The following PES1 variants were observed in gnomAD, a reference collection of about 807,000 sequenced individuals.
PES1 encodes pescadillo homolog.
Under a neutral mutation model 77.1 loss-of-function variants are expected in PES1, and 31 were observed. The ratio of observed to expected loss-of-function variants is 0.40; its 90% CI spans 0.30 to 0.54. PES1 has a LOEUF of 0.54. PES1 is among the 20% of genes least tolerant of loss of function. The pLI, the probability that PES1 is intolerant of heterozygous loss-of-function variation, is 0.45. For synonymous variants in PES1, 282 were observed against 303.0 expected, an observed-to-expected ratio of 0.93 and a Z score of 0.72; for missense variants, 658 against 771.7, an observed-to-expected ratio of 0.85 and a Z score of 1.75.
rs2087056651 is a variant in PES1 at position 30,585,036 on chromosome 22, CTA to C, written c.369-321_369-320del. Among the ~76,000 whole-genome samples, 2 of 152,170 alleles carry C rather than the reference CTA, an allele frequency of 1.3e-5. 1 individual carries two copies. Among genetic ancestry groups the C allele is most frequent in the South Asian group, 4.1e-4 (2 of 4,834 alleles). On this transcript the variant is annotated intron_variant, in intron 4 of 14. Coordinates refer to ENST00000354694, the MANE Select transcript of PES1 (RefSeq NM_014303.4). ...ACGACGGTAGACGGAGTCAGGGGCT[CTA>C]TGACTCTCTTTGAAGGTGGAAACTT...
chr22:30,605,474 T>C, exon 2 of PES1: 1 of 985,450 alleles, frequency 1.0e-6, no homozygotes, highest in Non-Finnish European at 1.2e-6. Context: ...AGGCTGACGA[T>C]AACGAAGGCT....
Position 30,579,313 on chromosome 22 carries a change from G to A in PES1, c.1355-10C>T. The A allele has an allele frequency of 6.3e-7, 1 of 1,599,968 alleles. No individual in the cohort carries two copies. The highest frequency in any genetic ancestry group is 8.5e-7 in the Non-Finnish European group (1 of 1,179,944). Reference sequence around the variant, plus strand: ...GACTCATTCAGGTTTCCTAGAGAAAGCCAATGTCCTCTGAATGCCCTGGGA... The same window carrying A: ...GACTCATTCAGGTTTCCTAGAGAAAACCAATGTCCTCTGAATGCCCTGGGA... On this transcript the variant is annotated splice_polypyrimidine_tract_variant and intron_variant, in intron 12 of 14. Coordinates refer to ENST00000354694, the MANE Select transcript of PES1 (RefSeq NM_014303.4).
At chr22:30,581,276 T>G in intron 8 of PES1, 58 bp downstream of exon 8, 1 of 1,553,940 alleles carries the variant, frequency 6.4e-7, no homozygotes, top group South Asian at 1.1e-5. Flanking sequence ...CCCAGAGGTG[T>G]TGGGGACAGA....
chr22:30,577,516 A>G (rs1017930425), intron 14 of PES1, among the ~76,000 whole-genome samples: 1 of 152,152 alleles, frequency 6.6e-6, no homozygotes, highest in African/African-American at 2.4e-5. Flanking sequence ...TAATTTTTTT[A>G]AAGGGACAGG....
chr22:30,577,359 C>T (rs1047049572), intron 14 of PES1, among the ~76,000 whole-genome samples: 12 of 152,188 alleles, frequency 7.9e-5, no homozygotes, highest in African/African-American at 2.4e-4. Flanking sequence ...ATCCTAAACT[C>T]CCAGAGCTGG....
intron 2 of PES1, among the ~76,000 whole-genome samples, chr22:30,588,810 AG>A (rs2087133190): frequency 6.6e-6 from 1 of 150,674 alleles, no homozygotes; most frequent in Admixed American, 6.6e-5. Context: ...AAAGTGGGCC[AG>A]GTGAGCCACA....
At position 30,576,881 on chromosome 22, in the gene PES1, C is replaced by T. The variant is rs368798096; in HGVS notation, c.*165G>A. 1.6e-5 allele frequency: 10 copies of T among 633,406 alleles called. No individual in the cohort carries two copies. Among genetic ancestry groups the T allele is most frequent in the African/African-American group, 9.1e-5 (5 of 54,784 alleles). The allele number at this position is 633,406 out of a possible 1,614,324, so 39.2% of individuals were successfully genotyped here. On this transcript the variant is annotated 3_prime_UTR_variant, in exon 15 of 15. Transcript: ENST00000354694. ...GCAGGGCAGCTCCATCCAAGGGAAG[C>T]GAGGGCTGCCCACTGGCCCAGCCAG...
chr22:30,594,931 G>A (rs1003588197), upstream of PES1, among the ~76,000 whole-genome samples: 3 of 152,188 alleles, frequency 2.0e-5, no homozygotes, highest in African/African-American at 4.8e-5. Context: ...GGTTGAGGCT[G>A]CAGTGAGGTG....
intron 1 of PES1, among the ~76,000 whole-genome samples, chr22:30,590,228 C>T (rs752096082): frequency 6.6e-6 from 1 of 152,164 alleles, no homozygotes; most frequent in Non-Finnish European, 1.5e-5. Context: ...TGCCTCACAC[C>T]CACATTTCTG....
intron 8 of PES1, 72 bp downstream of exon 8, chr22:30,581,262 G>C (rs2086982780): frequency 6.6e-7 from 1 of 1,513,528 alleles, no homozygotes; most frequent in South Asian, 1.1e-5. Flanking sequence ...CTCTGAACCA[G>C]ACCCCCAGAG....
intron 2 of PES1, among the ~76,000 whole-genome samples, chr22:30,601,541 GC>G (rs35546035): frequency 0.61 from 93,357 of 151,976 alleles, 29,081 homozygotes; most frequent in Middle Eastern, 0.68. Context: ...TCAAACTCTT[GC>G]CCCTCAAGTG....
intron 2 of PES1, among the ~76,000 whole-genome samples, chr22:30,602,530 CT>C: frequency 6.8e-6 from 1 of 147,344 alleles, no homozygotes; most frequent in South Asian, 2.2e-4. Flanking sequence ...CCTCTTTTTT[CT>C]TTTATTTTCT....
At chr22:30,588,881 C>G (rs2087134208) in intron 2 of PES1, among the ~76,000 whole-genome samples, 1 of 152,074 alleles carries the variant, frequency 6.6e-6, no homozygotes, top group African/African-American at 2.4e-5. Flanking sequence ...TATTTTGACT[C>G]TATGAGGAAT....
At chr22:30,597,842 G>T (rs1227203476) in intron 2 of PES1, among the ~76,000 whole-genome samples, 3 of 151,344 alleles carry the variant, frequency 2.0e-5, no homozygotes, top group African/African-American at 7.3e-5. Flanking sequence ...ACTCAGCTGT[G>T]GTAACTCGCT....
intron 2 of PES1, among the ~76,000 whole-genome samples, chr22:30,599,010 A>G (rs775182548): frequency 1.8e-4 from 26 of 144,326 alleles, no homozygotes; most frequent in Non-Finnish European, 3.6e-4. Flanking sequence ...CGATTCTCCT[A>G]TCTCAGCCTC....
chr22:30,591,677 C>G, intron 1 of PES1, 133 bp downstream of exon 1: 1 of 981,390 alleles, frequency 1.0e-6, no homozygotes, highest in Non-Finnish European at 1.5e-6. Context: ...GACCCCTTCT[C>G]GCAGCTGATT....
upstream of PES1, chr22:30,592,228 G>A (rs2087193032): frequency 5.9e-6 from 6 of 1,023,830 alleles, no homozygotes; most frequent in Non-Finnish European, 7.0e-6. Flanking sequence ...GGATGCAGAG[G>A]GGCGCCGCAC....
chr22:30,580,922 C>A, intron 9 of PES1, 90 bp downstream of exon 9: 1 of 1,241,960 alleles, frequency 8.1e-7, no homozygotes, highest in South Asian at 1.4e-5. Flanking sequence ...TCAAATAACA[C>A]CTAATTATAG....
chr22:30,591,948 C>A (rs1569028575), upstream of PES1: 4 of 1,436,180 alleles, frequency 2.8e-6, no homozygotes, highest in East Asian at 2.7e-5. Flanking sequence ...TCTGTTTGTG[C>A]GGGCTGCCCA....
Sources: allele counts gnomAD v4.1 joint callset (sites outside exome capture counted in the v4.1 genomes callset), GRCh38; gene constraint gnomAD v4.1.1; transcripts MANE v1.5; gene names NCBI Gene and HGNC (gene_info 2026-07-23, HGNC 2026-07-21).